The following BTD variants were observed in gnomAD, a reference collection of about 807,000 sequenced individuals.
BTD encodes biocytinase.
BTD carries 13 observed loss-of-function variants against 17.7 expected under a neutral mutation model. That is an observed-to-expected ratio of 0.74 (90% CI 0.48 to 1.17). BTD has a LOEUF of 1.17. Among genes scored for constraint, BTD ranks in the 50% most tolerant of loss-of-function variants. BTD has a pLI of 0.00. For synonymous variants in BTD, 240 were observed against 245.2 expected (o/e 0.98, Z 0.20); for missense variants, 674 against 650.4 (o/e 1.04, Z -0.39).
intron 1 of BTD, among the ~76,000 whole-genome samples, chr3:15,623,344 T>C (rs780853205): frequency 4.6e-5 from 7 of 152,230 alleles, no homozygotes; most frequent in Non-Finnish European, 1.0e-4. Context: ...ATGTTTTTTA[T>C]CTACTGTAAT....
rs1392755083 is a variant in BTD, at chr3:15,708,085, C to T, written c.400-1975C>T. On this transcript the variant is annotated intron_variant, in intron 3 of 3. Coordinates refer to the BTD transcript ENST00000672141. ...GAGATCTTTTGGGTCCAAGTTAATA[C>T]AAGAAAGATAAAAGCCAGAGACATA... 1.6e-5 allele frequency: 25 copies of T among 1,583,794 alleles called. No individual in the cohort carries two copies. In the East Asian group the frequency reaches 5.7e-4, roughly 36 times the overall value.
rs1269007233 is a variant in BTD at position 15,645,335 on chromosome 3, C to T, written c.1419C>T (p.Ser473=). 1 of 1,614,046 alleles carries T rather than the reference C, an allele frequency of 6.2e-7. No homozygotes were observed. Residue 473 remains serine, a synonymous_variant, in exon 4 of 4, where the codon TCC becomes TCT. Transcript: ENST00000643237. ...ACCTGTGGGGCAACTTCAGTACTTCCTATATCTTTCCTTTGTTTCTGACCT... is the reference window on the plus strand; with the variant it reads ...ACCTGTGGGGCAACTTCAGTACTTCTTATATCTTTCCTTTGTTTCTGACCT... ...EFHLWGNFST[S]YIFPLFLTSG...
intron 3 of BTD, among the ~76,000 whole-genome samples, chr3:15,661,012 T>C (rs1047513825): frequency 2.0e-5 from 3 of 152,062 alleles, no homozygotes; most frequent in Admixed American, 6.5e-5. Flanking sequence ...ATGCCTGTAA[T>C]CCCAGCACTT....
At chr3:15,721,991 G>A (rs951277979) in exon 5 of BTD, among the ~76,000 whole-genome samples, 5 of 152,058 alleles carry the variant, frequency 3.3e-5, no homozygotes, top group African/African-American at 9.6e-5. Context: ...ATGATCCACC[G>A]GCCTCGGCCT....
At chr3:15,655,844 C>A (rs1575039044), downstream of BTD, among the ~76,000 whole-genome samples, 2 of 152,286 alleles carry the variant, frequency 1.3e-5, no homozygotes, top group Admixed American at 1.3e-4. Flanking sequence ...ACTCTGTTGC[C>A]CAGGCTGGAG....
intron 3 of BTD, among the ~76,000 whole-genome samples, chr3:15,671,589 G>GTT (rs1266007505): frequency 1.9e-4 from 26 of 133,924 alleles, no homozygotes; most frequent in South Asian, 1.4e-3. Flanking sequence ...TTTTTTTTTT[G>GTT]TTTTTTTTTT....
intron 3 of BTD, chr3:15,696,006 G>T: frequency 3.0e-6 from 2 of 672,216 alleles, no homozygotes; most frequent in South Asian, 1.7e-5. Context: ...AATTTAAGAG[G>T]TATATAAATT....
intron 3 of BTD, among the ~76,000 whole-genome samples, chr3:15,678,948 AATTT>A (rs747251791): frequency 1.0e-3 from 158 of 152,310 alleles, no homozygotes; most frequent in Admixed American, 1.9e-3. Flanking sequence ...CAGTAGTTAA[AATTT>A]ATTTCTTATT....
At position 15,645,337 on chromosome 3, in the gene BTD, A is replaced by G. The variant is rs750598655; in HGVS notation, c.1421A>G (p.Tyr474Cys). The G allele has an allele frequency of 8.7e-6, 14 of 1,614,170 alleles. No individual in the cohort carries two copies. Among genetic ancestry groups the G allele is most frequent in the Middle Eastern group, 1.6e-4 (1 of 6,062 alleles). ...FHLWGNFSTS[Y>C]IFPLFLTSGM... ...CTGTGGGGCAACTTCAGTACTTCCT[A>G]TATCTTTCCTTTGTTTCTGACCTCA... Residue 474 changes from tyrosine (Y) to cysteine (C), a missense_variant, in exon 4 of 4, where the codon TAT (tyrosine) becomes TGT (cysteine). Physicochemically the swap from Tyr to Cys is radical, Grantham distance 194. Coordinates refer to ENST00000643237, the MANE Select transcript of BTD (RefSeq NM_001370658.1).
chr3:15,661,483 T>C lies in BTD; in HGVS notation c.399+19426T>C, dbSNP rs541314329. On this transcript the variant is annotated intron_variant, in intron 3 of 3. Coordinates refer to the BTD transcript ENST00000672141. Reference sequence around the variant, plus strand: ...GTGAGATGCCTGTTAAGGTTTTTGGTCCAATTTTAAAAGTTGCTTGTGTTC... The same window carrying C: ...GTGAGATGCCTGTTAAGGTTTTTGGCCCAATTTTAAAAGTTGCTTGTGTTC... Among the ~76,000 whole-genome samples, 20 of 152,266 alleles carry C rather than the reference T, an allele frequency of 1.3e-4. No homozygotes were observed. The South Asian group carries it at 2.9e-3, about 22-fold the overall frequency.
chr3:15,611,882 T>A (rs1574977721), intron 1 of BTD, among the ~76,000 whole-genome samples: 1 of 152,118 alleles, frequency 6.6e-6, no homozygotes. Flanking sequence ...TATTCTTTTT[T>A]AAAAAAAATT....
chr3:15,674,098 G>A (rs1378619045), intron 3 of BTD, among the ~76,000 whole-genome samples: 2 of 132,336 alleles, frequency 1.5e-5, no homozygotes, highest in Non-Finnish European at 3.1e-5. Context: ...CTTGAGCCCA[G>A]GAGTTCAAGG....
At chr3:15,631,546 C>A in intron 1 of BTD, 1 of 1,395,572 alleles carries the variant, frequency 7.2e-7, no homozygotes, top group South Asian at 1.2e-5. Flanking sequence ...GACATATTAC[C>A]AAATTTACAT....
intron 1 of BTD, among the ~76,000 whole-genome samples, chr3:15,624,840 C>T (rs2065030424): frequency 6.6e-6 from 1 of 152,302 alleles, no homozygotes; most frequent in South Asian, 2.1e-4. Context: ...TCCAGCATTT[C>T]TCGTGCCTCA....
At chr3:15,637,237 CTG>C (rs879289682) in intron 2 of BTD, among the ~76,000 whole-genome samples, 11 of 152,032 alleles carry the variant, frequency 7.2e-5, no homozygotes, top group Non-Finnish European at 1.5e-4. Flanking sequence ...CATGTTTTCT[CTG>C]TGCTCAGAAC....
At chr3:15,602,205 T>C (rs2064282237) in intron 1 of BTD, 3 of 1,373,168 alleles carry the variant, frequency 2.2e-6, no homozygotes, top group Admixed American at 6.2e-5. Context: ...AGAGATAAAA[T>C]GACGCTCAGA....
At position 15,601,775 on chromosome 3, in the gene BTD, G is replaced by A. The variant is rs2125311616; in HGVS notation, c.-136G>A. 1 of 1,611,306 alleles carries A rather than the reference G, an allele frequency of 6.2e-7. No individual in the cohort carries two copies. The highest frequency in any genetic ancestry group is 8.5e-7 in the Non-Finnish European group (1 of 1,178,748). ...ATTGCTGCCTATGCAAAGCAGGTAA[G>A]AAGCCGAACTCTGAGGCCTCTCGCC... On this transcript the variant is annotated 5_prime_UTR_variant, in exon 1 of 4. Coordinates refer to ENST00000643237, the MANE Select transcript of BTD (RefSeq NM_001370658.1).
At chr3:15,666,254 C>T (rs1183801780) in intron 3 of BTD, among the ~76,000 whole-genome samples, 2 of 152,184 alleles carry the variant, frequency 1.3e-5, no homozygotes, top group Non-Finnish European at 2.9e-5. Context: ...TGTGTCTCAA[C>T]TTCAAAATCA....
chr3:15,686,187 C>T (rs768048986), intron 3 of BTD: 1 of 1,590,300 alleles, frequency 6.3e-7, no homozygotes, highest in South Asian at 1.1e-5. Flanking sequence ...GAAATACGCC[C>T]TTCTGTGATG....
Sources: gnomAD v4.1 joint callset for allele counts (sites outside exome capture counted in the v4.1 genomes callset) on GRCh38, gnomAD v4.1.1 for gene constraint, MANE v1.5 for transcripts, NCBI Gene and HGNC (gene_info 2026-07-23, HGNC 2026-07-21) for gene names.